The following DYSF variants were observed in gnomAD, a reference collection of about 807,000 sequenced individuals.
DYSF encodes the protein dystrophy-associated fer-1-like 1.
In DYSF, 212 loss-of-function variants were observed where a neutral mutation model predicts 274.9. The observed-to-expected ratio is 0.77, with a 90% CI of 0.69 to 0.86. The LOEUF is 0.86. Ranked by LOEUF, DYSF falls within the 40% of genes least tolerant of loss-of-function variation. DYSF has a pLI of 0.00. For synonymous variants in DYSF, 1,091 were observed against 1,078.7 expected (o/e 1.01, Z -0.22); for missense variants, 2,666 against 2,783.2 (o/e 0.96, Z 0.95).
At chr2:71,498,711 A>G (rs1419000214) in intron 3 of DYSF, among the ~76,000 whole-genome samples, 1 of 152,220 alleles carries the variant, frequency 6.6e-6, no homozygotes, top group Non-Finnish European at 1.5e-5. Flanking sequence ...TCAAAGTTAA[A>G]CTATAAACTA....
At chr2:71,470,620 G>A (rs1195513986) in intron 1 of DYSF, among the ~76,000 whole-genome samples, 1 of 140,676 alleles carries the variant, frequency 7.1e-6, no homozygotes, top group Non-Finnish European at 1.5e-5. Context: ...GTTGCAGTGA[G>A]CCAAGATTGA....
chr2:71,663,526 G>A (rs1442437107), intron 45 of DYSF, among the ~76,000 whole-genome samples: 1 of 152,184 alleles, frequency 6.6e-6, no homozygotes, highest in Non-Finnish European at 1.5e-5. Context: ...CCCAAATGTG[G>A]CCCCTGCCCT....
intron 49 of DYSF, 31 bp from the exon 50 acceptor site, chr2:71,669,081 C>A: frequency 6.5e-7 from 1 of 1,546,812 alleles, no homozygotes; most frequent in Non-Finnish European, 8.8e-7. Flanking sequence ...GGTAGGAAAT[C>A]TAGGTGGATT....
At chr2:71,668,111 G>A (rs141270739) in intron 48 of DYSF, among the ~76,000 whole-genome samples, 2,069 of 152,146 alleles carry the variant, frequency 0.014, 23 homozygotes, top group Non-Finnish European at 0.021. Flanking sequence ...AAGGTTATAG[G>A]CAAAGAGAAA....
In DYSF at chr2:71,651,799, C is replaced by G. The variant is rs370740599; in HGVS notation, c.4627-4363C>G. ...AACCTAACTAATATTAAAATAATGT[C>G]ATGATAACCGAATTTGCTTCATTCC... On this transcript the variant is annotated intron_variant, in intron 42 of 55. Coordinates refer to ENST00000410020, the MANE Select transcript of DYSF (RefSeq NM_001130987.2). 6.3e-4 allele frequency among the ~76,000 whole-genome samples: 96 copies of G among 152,110 alleles called. 1 individual carries two copies. The highest frequency in any genetic ancestry group is 1.2e-3 in the East Asian group (6 of 5,180).
chr2:71,562,853 C>T (rs1227839580), intron 23 of DYSF, among the ~76,000 whole-genome samples: 3 of 152,218 alleles, frequency 2.0e-5, no homozygotes, highest in Non-Finnish European at 4.4e-5. Flanking sequence ...ACAGTGGCAG[C>T]AGACCAACCC....
chr2:71,482,232 A>G (rs2082974318), intron 3 of DYSF, among the ~76,000 whole-genome samples: 4 of 152,168 alleles, frequency 2.6e-5, no homozygotes. Flanking sequence ...TTGCACAGAC[A>G]GTGTGTGCCC....
intron 1 of DYSF, among the ~76,000 whole-genome samples, chr2:71,479,382 G>T (rs1363180757): frequency 6.6e-6 from 1 of 151,792 alleles, no homozygotes; most frequent in Non-Finnish European, 1.5e-5. Context: ...CTTAGTGGGG[G>T]AACCCCTCAC....
intron 40 of DYSF, among the ~76,000 whole-genome samples, chr2:71,618,285 G>C (rs1233431078): frequency 6.7e-5 from 2 of 29,674 alleles, no homozygotes; most frequent in African/African-American, 2.0e-4. Context: ...GTGTGGTAGA[G>C]GTGTGTGTGT....
chr2:71,460,530 C>G (rs2081241585), intron 1 of DYSF, among the ~76,000 whole-genome samples: 1 of 152,204 alleles, frequency 6.6e-6, no homozygotes, highest in Non-Finnish European at 1.5e-5. Context: ...TCCATTAGAA[C>G]TTAATTCCTG....
intron 29 of DYSF, among the ~76,000 whole-genome samples, chr2:71,571,917 C>T: frequency 6.7e-6 from 1 of 148,470 alleles, no homozygotes; most frequent in South Asian, 2.2e-4. Context: ...AGATCACACC[C>T]AGCACATGCA....
At chr2:71,524,327 T>C (rs1573729177) in intron 12 of DYSF, among the ~76,000 whole-genome samples, 1 of 152,226 alleles carries the variant, frequency 6.6e-6, no homozygotes, top group East Asian at 1.9e-4. Flanking sequence ...TGATATCTTT[T>C]ATCTCCCCTC....
rs1389298282 is a variant in DYSF at position 71,589,557 on chromosome 2, G to A, written c.3403-36G>A. 5 of 1,584,116 alleles carry A rather than the reference G, an allele frequency of 3.2e-6. No homozygotes were observed. The South Asian group carries it at 5.5e-5, about 18-fold the overall frequency. On this transcript the variant is annotated intron_variant, in intron 30 of 55. Transcript: ENST00000410020. ...GTCTCCCTGCCACCCCCAGGCCTGG[G>A]GGCAGAATCTGCCATAACCAGCTTC...
rs369490067 is a variant in DYSF at position 71,581,182 on chromosome 2, CA to C, written c.3402+6812del. 5.8e-4 allele frequency among the ~76,000 whole-genome samples: 89 copies of C among 152,316 alleles called. No homozygotes were observed. The East Asian group carries it at 8.3e-3, about 14-fold the overall frequency. ...TCTCTGCAACATCCGCATGTGGAGA[CA>C]TGGAAACCCTAGAGGGACAAGCACA... On this transcript the variant is annotated intron_variant, in intron 30 of 55. Transcript: ENST00000410020.
At position 71,503,332 on chromosome 2, in the gene DYSF, C is replaced by G. The variant is rs1559022061; in HGVS notation, c.345+13C>G. 1 of 1,613,632 alleles carries G rather than the reference C, an allele frequency of 6.2e-7. No homozygotes were observed. Among genetic ancestry groups the G allele is most frequent in the Non-Finnish European group, 8.5e-7 (1 of 1,179,562 alleles). ...GCAGCCCACAGGGGTAAGTGCCCAT[C>G]AGCCTCTGCCAGGTTAAGGTCCAAG... On this transcript the variant is annotated intron_variant, in intron 4 of 55. Coordinates refer to ENST00000410020, the MANE Select transcript of DYSF (RefSeq NM_001130987.2).
At chr2:71,511,943 G>A (rs1192322065) in intron 5 of DYSF, 22 bp downstream of exon 5, 1 of 1,463,896 alleles carries the variant, frequency 6.8e-7, no homozygotes, top group Admixed American at 2.0e-5. Context: ...ACGTTGGCCT[G>A]GCTGGGCCCC....
chr2:71,645,848 C>G (rs1345647003), intron 42 of DYSF, among the ~76,000 whole-genome samples: 1 of 152,076 alleles, frequency 6.6e-6, no homozygotes, highest in Non-Finnish European at 1.5e-5. Flanking sequence ...ACCTCCCAGG[C>G]TTGGAGAGGA....
chr2:71,617,579 TGTG>T, intron 40 of DYSF, among the ~76,000 whole-genome samples: 1 of 147,278 alleles, frequency 6.8e-6, no homozygotes, highest in South Asian at 2.2e-4. Context: ...GTAGAGGTGG[TGTG>T]TGTGTGTGTG....
chr2:71,519,811 G>GT (rs70959241), intron 10 of DYSF, among the ~76,000 whole-genome samples: 4,716 of 102,280 alleles, frequency 0.046, 198 homozygotes, highest in African/African-American at 0.059. Flanking sequence ...CACCCGGCTA[G>GT]TTTTTTTTTT....
Sources: gnomAD v4.1 joint callset for allele counts (sites outside exome capture counted in the v4.1 genomes callset) on GRCh38, gnomAD v4.1.1 for gene constraint, MANE v1.5 for transcripts, NCBI Gene and HGNC (gene_info 2026-07-23, HGNC 2026-07-21) for gene names.